Variants in ABCG2 observed in about 807,000 individuals in gnomAD.
The protein encoded by ABCG2 is broad substrate specificity ATP-binding cassette transporter ABCG2.
In ABCG2, 80 loss-of-function variants were observed where a neutral mutation model predicts 73.5. That is an observed-to-expected ratio of 1.09 (90% confidence interval 0.91 to 1.31). ABCG2 has a LOEUF of 1.31. ABCG2 is among the 50% of genes most tolerant of loss of function. The pLI, the probability that ABCG2 is intolerant of heterozygous loss-of-function variation, is 0.00. For synonymous variants in ABCG2, 269 were observed against 282.4 expected (o/e 0.95, Z 0.48); for missense variants, 796 against 786.2 (o/e 1.01, Z -0.15).
chr4:88,130,560 G>C (rs1724780185), intron 5 of ABCG2, among the ~76,000 whole-genome samples: 1 of 152,074 alleles, frequency 6.6e-6, no homozygotes, highest in Non-Finnish European at 1.5e-5. Context: ...CTGGTCCATA[G>C]AAAAACTGTC....
rs201913594 is a variant in ABCG2, at chr4:88,118,185, G to A, written c.765C>T (p.Ser255=). Residue 255 remains serine, a synonymous_variant, in exon 7 of 16, where the codon AGC becomes AGT. Transcript: ENST00000237612. The stretch of plus-strand genomic sequence containing the variant: ...GTCTTCCTGAGGCCAATAAGGTGAG[G>A]CTATCAAACAACTTGAAGATGGAAT... ...PRYSIFKLFD[S]LTLLASGRLM... is the part of the protein sequence containing the mutation. 1.2e-6 allele frequency: 2 copies of A among 1,614,160 alleles called. No homozygotes were observed. The highest frequency in any genetic ancestry group is 2.7e-5 in the African/African-American group (2 of 75,052).
intron 7 of ABCG2, among the ~76,000 whole-genome samples, 194 bp from the exon 8 acceptor site, chr4:88,115,252 C>A (rs1199304226): frequency 1.0e-4 from 8 of 79,906 alleles, no homozygotes; most frequent in African/African-American, 3.4e-4. Flanking sequence ...CTCTCTCTCT[C>A]TCTCTATATA....
intron 1 of ABCG2, among the ~76,000 whole-genome samples, chr4:88,144,964 G>A (rs374546532): frequency 1.7e-4 from 25 of 149,204 alleles, no homozygotes; most frequent in African/African-American, 6.1e-4. Flanking sequence ...AAACTGAGAA[G>A]AGGAAAAAAA....
At chr4:88,106,688 G>C (rs7681519) in intron 10 of ABCG2, among the ~76,000 whole-genome samples, 42,271 of 152,056 alleles carry the variant, frequency 0.28, 7,480 homozygotes, top group Non-Finnish European at 0.37. Context: ...TCTAGAGTTG[G>C]ATGGTGGTGA....
At chr4:88,099,043 A>C (rs1292768206) in intron 12 of ABCG2, among the ~76,000 whole-genome samples, 3 of 152,138 alleles carry the variant, frequency 2.0e-5, no homozygotes, top group African/African-American at 7.2e-5. Context: ...CTGCAGTGAG[A>C]TATGATCACC....
At chr4:88,135,587 C>A (rs1019668377) in intron 2 of ABCG2, among the ~76,000 whole-genome samples, 12 of 127,390 alleles carry the variant, frequency 9.4e-5, no homozygotes, top group Admixed American at 8.1e-4. Context: ...AGGGTTGGGG[C>A]TCCCATTGGG....
intron 1 of ABCG2, among the ~76,000 whole-genome samples, chr4:88,207,580 G>A (rs1284490215): frequency 2.6e-5 from 4 of 152,110 alleles, no homozygotes; most frequent in Admixed American, 2.6e-4. Context: ...GTCTTGCTGT[G>A]TCACCCAGAG....
At chr4:88,153,654 C>T in intron 1 of ABCG2, among the ~76,000 whole-genome samples, 1 of 151,952 alleles carries the variant, frequency 6.6e-6, no homozygotes, top group East Asian at 1.9e-4. Flanking sequence ...GAAGGCCAAA[C>T]CAAGGAATTA....
rs34262876 is a variant in ABCG2 at position 88,097,388 on chromosome 4, A to C, written c.1647+65T>G. ...CAAAACAGGTTTTACATGACAAGTG[A>C]ATGTGCAGGAAGAAATGAAGGAAAA... On this transcript the variant is annotated intron_variant, in intron 13 of 15. Transcript: ENST00000237612. 282 of 1,573,004 alleles carry C rather than the reference A, an allele frequency of 1.8e-4. 2 individuals are homozygous for C. The East Asian group carries it at 5.5e-3, about 31-fold the overall frequency.
intron 1 of ABCG2, among the ~76,000 whole-genome samples, chr4:88,200,782 G>C (rs1326691890): frequency 1.3e-5 from 2 of 152,158 alleles, no homozygotes; most frequent in African/African-American, 4.8e-5. Flanking sequence ...AAAGTGCTAG[G>C]ATTACAGGTG....
chr4:88,156,191 A>G (rs1726924747), intron 1 of ABCG2, among the ~76,000 whole-genome samples: 1 of 151,956 alleles, frequency 6.6e-6, no homozygotes, highest in South Asian at 2.1e-4. Flanking sequence ...CCTGGCCAAC[A>G]TGGAAAACCC....
intron 1 of ABCG2, among the ~76,000 whole-genome samples, chr4:88,221,933 T>G (rs916646387): frequency 2.0e-5 from 3 of 152,052 alleles, no homozygotes; most frequent in Non-Finnish European, 4.4e-5. Context: ...ACCAAGACAA[T>G]GGAGAAAATG....
intron 1 of ABCG2, among the ~76,000 whole-genome samples, chr4:88,189,763 C>T (rs1198181437): frequency 6.6e-6 from 1 of 152,138 alleles, no homozygotes; most frequent in African/African-American, 2.4e-5. Context: ...GCTACAATTG[C>T]TAATACCATG....
At chr4:88,157,936 C>T (rs1010818899) in intron 1 of ABCG2, among the ~76,000 whole-genome samples, 1 of 152,132 alleles carries the variant, frequency 6.6e-6, no homozygotes, top group African/African-American at 2.4e-5. Context: ...AGCAAACCAT[C>T]CAAAGCTTTA....
intron 1 of ABCG2, among the ~76,000 whole-genome samples, chr4:88,186,860 A>C (rs1368909960): frequency 2.9e-5 from 4 of 138,792 alleles, no homozygotes; most frequent in East Asian, 2.1e-4. Context: ...CAGAGCTTGC[A>C]GTGAGCCGAG....
chr4:88,176,053 A>C (rs1353242078), intron 1 of ABCG2, among the ~76,000 whole-genome samples: 1 of 152,162 alleles, frequency 6.6e-6, no homozygotes, highest in Non-Finnish European at 1.5e-5. Context: ...TCTACAGAAA[A>C]ATGTTGTTTC....
chr4:88,217,850 C>T (rs4693933), intron 1 of ABCG2, among the ~76,000 whole-genome samples: 49,582 of 151,566 alleles, frequency 0.33, 8,620 homozygotes, highest in Middle Eastern at 0.46. Flanking sequence ...CCTGTAGTCC[C>T]AACTACTTAG....
intron 1 of ABCG2, among the ~76,000 whole-genome samples, chr4:88,207,211 A>G (rs1350984985): frequency 6.6e-6 from 1 of 152,228 alleles, no homozygotes; most frequent in African/African-American, 2.4e-5. Flanking sequence ...TTAAAAGACT[A>G]GAAAGACGAG....
intron 15 of ABCG2, among the ~76,000 whole-genome samples, chr4:88,093,503 CAAAAAAA>C (rs10533191): frequency 1.9e-5 from 2 of 105,004 alleles, no homozygotes; most frequent in Admixed American, 2.1e-4. Context: ...GACTCCATTT[CAAAAAAA>C]AAAAAAAAAA....
Sources: gnomAD v4.1 joint callset for allele counts (sites outside exome capture counted in the v4.1 genomes callset) on GRCh38, gnomAD v4.1.1 for gene constraint, MANE v1.5 for transcripts, NCBI Gene and HGNC (gene_info 2026-07-23, HGNC 2026-07-21) for gene names.